YLPM1: variants seen among roughly 807,000 people sequenced by gnomAD.
YLPM1 encodes YLP motif-containing protein 1.
In YLPM1, 99 loss-of-function variants were observed where a neutral mutation model predicts 230.0. The observed-to-expected ratio is 0.43, with a 90% CI of 0.37 to 0.51. The LOEUF (loss-of-function observed/expected upper bound fraction) is 0.51, where lower values mean the gene tolerates loss of function less well. YLPM1 is among the 20% of genes least tolerant of loss of function. The pLI, the probability that YLPM1 is intolerant of heterozygous loss-of-function variation, is 0.00. For synonymous variants in YLPM1, 984 were observed against 942.5 expected (o/e 1.04, Z -0.81); for missense variants, 2,592 against 2,707.7 (o/e 0.96, Z 0.95).
Position 74,799,001 on chromosome 14 carries a change from A to G in YLPM1, c.3704A>G (p.Gln1235Arg), listed in dbSNP as rs369062797. Residue 1235 changes from glutamine (Q) to arginine (R), a missense_variant, in exon 5 of 21, where the codon CAA becomes CGA. By Grantham distance (43) the Gln-to-Arg change is conservative (BLOSUM62 1). This residue lies in a region of YLPM1 where 1,862 missense variants were observed against 1,819.8 expected (regional missense o/e 1.02). Transcript: ENST00000325680. ...RYWRECERDYQDDTLELYNRE... is the reference protein window; with the variant it reads ...RYWRECERDYRDDTLELYNRE... Reference sequence around the variant, plus strand: ...TGGAGAGAATGTGAACGTGACTATCAAGATGATACACTAGAGCTCTATAAC... The same window carrying G: ...TGGAGAGAATGTGAACGTGACTATCGAGATGATACACTAGAGCTCTATAAC... 3.7e-5 allele frequency: 59 copies of G among 1,613,858 alleles called. No homozygotes were observed. The highest frequency in any genetic ancestry group is 5.0e-5 in the Admixed American group (3 of 59,998).
At chr14:74,832,858 A>G (rs1387102352) in intron 19 of YLPM1, among the ~76,000 whole-genome samples, 1 of 152,076 alleles carries the variant, frequency 6.6e-6, no homozygotes, top group Non-Finnish European at 1.5e-5. Flanking sequence ...TTCTAATCCT[A>G]TATTCTTTAT....
intron 10 of YLPM1, among the ~76,000 whole-genome samples, 151 bp from the exon 11 acceptor site, chr14:74,812,476 AT>A (rs1310678744): frequency 6.6e-6 from 1 of 152,202 alleles, no homozygotes; most frequent in Non-Finnish European, 1.5e-5. Context: ...TAGATTTTAC[AT>A]TACCTTAAAT....
At position 74,782,007 on chromosome 14, in the gene YLPM1, C is replaced by T; in HGVS notation, c.1964C>T (p.Ser655Phe). The T allele has an allele frequency of 1.2e-6, 2 of 1,613,948 alleles. No individual in the cohort carries two copies. Among genetic ancestry groups the T allele is most frequent in the South Asian group, 1.1e-5 (1 of 91,082 alleles). ...QLTAAPVPPA[S>F]SSQSSQVPEK... ...ACAGCAGCCCCAGTTCCACCAGCCT[C>T]CAGTTCACAGAGCTCGCAAGTTCCA... The change falls in exon 4 of 21, where the codon TCC becomes TTC. Residue 655 changes from serine (S) to phenylalanine (F), a missense_variant. Transcript: ENST00000325680.
At chr14:74,774,073 T>TA (rs2091007327) in intron 1 of YLPM1, among the ~76,000 whole-genome samples, 1 of 152,020 alleles carries the variant, frequency 6.6e-6, no homozygotes, top group Non-Finnish European at 1.5e-5. Flanking sequence ...CTCTTTGACT[T>TA]ACAGTGGGGT....
Position 74,798,040 on chromosome 14 carries a change from T to C in YLPM1, c.2743T>C (p.Ser915Pro), listed in dbSNP as rs1156695374. Reference protein sequence around the residue: ...SQQEPPKSEVSEGPVEPSNWD... With the variant: ...SQQEPPKSEVPEGPVEPSNWD... The stretch of plus-strand genomic sequence containing the variant: ...ACAAGAGCCACCTAAAAGTGAAGTC[T>C]CGGAAGGGCCCGTAGAGCCCTCTAA... The change falls in exon 5 of 21, where the codon TCG becomes CCG. Residue 915 changes from serine (S) to proline (P), a missense_variant. By Grantham distance (74) the Ser-to-Pro change is moderately conservative (BLOSUM62 -1). Around this residue, in one of 4 missense-constraint regions of YLPM1, gnomAD observed 1,862 missense variants for 1,819.8 expected, o/e 1.02. Coordinates refer to ENST00000325680, the MANE Select transcript of YLPM1 (RefSeq NM_019589.3). 1 of 1,613,672 alleles carries C rather than the reference T, an allele frequency of 6.2e-7. No individual in the cohort carries two copies. The highest frequency in any genetic ancestry group is 1.1e-5 in the South Asian group (1 of 91,052).
intron 1 of YLPM1, among the ~76,000 whole-genome samples, chr14:74,776,120 A>G (rs2091034997): frequency 6.7e-6 from 1 of 149,026 alleles, no homozygotes; most frequent in African/African-American, 2.4e-5. Context: ...GGATAATGAC[A>G]CTCCTGTAGT....
chr14:74,822,004 C>T (rs2091525280), intron 17 of YLPM1: 1 of 152,106 alleles, frequency 6.6e-6, no homozygotes, highest in Non-Finnish European at 1.5e-5. Context: ...TCCCATCGAA[C>T]CCGTGTGTGA....
At position 74,816,210 on chromosome 14, in the gene YLPM1, T is replaced by G; in HGVS notation, c.5510T>G (p.Val1837Gly). 6.2e-7 allele frequency: 1 copy of G among 1,607,938 alleles called. No individual in the cohort carries two copies. Among genetic ancestry groups the G allele is most frequent in the Non-Finnish European group, 8.5e-7 (1 of 1,177,178 alleles). ...TGGTCTATTCTGTTTCAGATTGTTGTTATAATGAGAGGATTACCTGGCAGT... is the reference window on the plus strand; with the variant it reads ...TGGTCTATTCTGTTTCAGATTGTTGGTATAATGAGAGGATTACCTGGCAGT... ...GRESRPERIV[V>G]IMRGLPGSGK... Residue 1837 changes from valine (V) to glycine (G), a missense_variant, in exon 12 of 21, where the codon GTT becomes GGT. Coordinates refer to ENST00000325680, the MANE Select transcript of YLPM1 (RefSeq NM_019589.3).
chr14:74,765,399 A>G (rs1594803768), intron 1 of YLPM1, among the ~76,000 whole-genome samples: 1 of 152,236 alleles, frequency 6.6e-6, no homozygotes. Flanking sequence ...GTGGTTTGGC[A>G]TTAGAAATTA....
intron 6 of YLPM1, among the ~76,000 whole-genome samples, chr14:74,807,194 A>G (rs1222552928): frequency 6.6e-6 from 1 of 152,254 alleles, no homozygotes; most frequent in Non-Finnish European, 1.5e-5. Flanking sequence ...TACTGTGTAT[A>G]TATGGGCAAA....
In YLPM1 at chr14:74,835,459, C is replaced by T. The variant is rs1246888106; in HGVS notation, c.*36+12C>T. On this transcript the variant is annotated intron_variant, in intron 20 of 20. Transcript: ENST00000325680. Reference sequence around the variant, plus strand: ...ATTATTCCTCTAAGGTAAGAGTACACAGTCATATAAATAGCCTACTGTGTG... The same window carrying T: ...ATTATTCCTCTAAGGTAAGAGTACATAGTCATATAAATAGCCTACTGTGTG... 5 of 1,599,936 alleles carry T rather than the reference C, an allele frequency of 3.1e-6. No homozygotes were observed. Among genetic ancestry groups the T allele is most frequent in the Middle Eastern group, 1.7e-4 (1 of 5,760 alleles).
In YLPM1 at chr14:74,781,241, A is replaced by G. The variant is rs548802873; in HGVS notation, c.1291-93A>G. ...AGTCTTTAGTGTTCTAATTTCCTAA[A>G]GCGTCAAATGCCCTTGATTCATTAA... is the stretch of plus-strand genomic sequence containing the variant. On this transcript the variant is annotated intron_variant, in intron 3 of 20. Coordinates refer to ENST00000325680, the MANE Select transcript of YLPM1 (RefSeq NM_019589.3). 1.1e-4 allele frequency: 154 copies of G among 1,361,434 alleles called. 1 individual carries two copies. In the African/African-American group the frequency reaches 2.1e-3, roughly 19 times the overall value. 84.3% of individuals were successfully genotyped at this position (1,361,434 alleles called of 1,614,324 possible). A position where few individuals can be genotyped will look rare whatever the true frequency, so the allele number is the denominator to read the frequency against.
chr14:74,796,807 A>G (rs1431086870), intron 4 of YLPM1, among the ~76,000 whole-genome samples: 3 of 147,912 alleles, frequency 2.0e-5, no homozygotes, highest in Non-Finnish European at 4.5e-5. Context: ...CTCTAACAAT[A>G]TTTATAATCA....
At chr14:74,765,100 G>A (rs572158423) in intron 1 of YLPM1, among the ~76,000 whole-genome samples, 7 of 152,290 alleles carry the variant, frequency 4.6e-5, no homozygotes, top group African/African-American at 1.7e-4. Context: ...TTTGGCCAAC[G>A]TAAAAAAAGT....
chr14:74,814,465 T>C (rs1481787508), intron 11 of YLPM1, among the ~76,000 whole-genome samples: 4 of 152,226 alleles, frequency 2.6e-5, no homozygotes, highest in Non-Finnish European at 5.9e-5. Flanking sequence ...GTTTTTATCA[T>C]GAGAGGATGT....
intron 9 of YLPM1, among the ~76,000 whole-genome samples, chr14:74,810,748 C>T (rs1250074475): frequency 6.6e-6 from 1 of 151,434 alleles, no homozygotes; most frequent in Non-Finnish European, 1.5e-5. Context: ...ATTATTATAC[C>T]TAAGGGCATT....
chr14:74,787,774 G>C (rs2091163920), intron 4 of YLPM1, among the ~76,000 whole-genome samples: 1 of 151,968 alleles, frequency 6.6e-6, no homozygotes, highest in African/African-American at 2.4e-5. Flanking sequence ...CAGTACTTTG[G>C]GAGGCCTAGG....
chr14:74,810,137 T>A, intron 8 of YLPM1, 88 bp from the exon 9 acceptor site: 1 of 1,506,112 alleles, frequency 6.6e-7, no homozygotes, highest in Non-Finnish European at 8.9e-7. Flanking sequence ...TGGCAAAAAT[T>A]TATACCAGCT....
rs905587747 is a variant in YLPM1 at position 74,797,648 on chromosome 14, G to A, written c.2351G>A (p.Arg784His). ...GAAGGACCGAGACCCAAAGGGCCTC[G>A]TTTTGAAGGAAATCGCCCCGATGGG... is the stretch of plus-strand genomic sequence containing the variant. ...RCEGPRPKGP[R>H]FEGNRPDGPR... is the part of the protein sequence containing the mutation. The change falls in exon 5 of 21, where the codon CGT (arginine) becomes CAT (histidine). Residue 784 changes from arginine (R) to histidine (H), a missense_variant. By Grantham distance (29) the Arg-to-His change is conservative. Around this residue, in one of 4 missense-constraint regions of YLPM1, gnomAD observed 1,862 missense variants for 1,819.8 expected, o/e 1.02. Transcript: ENST00000325680. The A allele has an allele frequency of 1.9e-6, 3 of 1,583,396 alleles. No individual in the cohort carries two copies. The highest frequency in any genetic ancestry group is 2.7e-5 in the African/African-American group (2 of 73,494).
Sources: allele counts gnomAD v4.1 joint callset (sites outside exome capture counted in the v4.1 genomes callset), GRCh38; gene constraint gnomAD v4.1.1; regional missense constraint gnomAD v4.1.1; transcripts MANE v1.5; gene names NCBI Gene and HGNC (gene_info 2026-07-23, HGNC 2026-07-21).